The following TMEM135 variants were observed in gnomAD, a reference collection of about 807,000 sequenced individuals.
TMEM135 encodes peroxisomal membrane protein 52.
Under a neutral mutation model 60.3 loss-of-function variants are expected in TMEM135, and 30 were observed. That is an observed-to-expected ratio of 0.50 (90% CI 0.37 to 0.68). The LOEUF is 0.68. Ranked by LOEUF, TMEM135 falls within the 30% of genes least tolerant of loss-of-function variation. The probability of loss-of-function intolerance (pLI) is 0.00; values close to 1 mark genes in which losing one functional copy is unlikely to be tolerated. For missense variants in TMEM135, 468 were observed against 548.8 expected (o/e 0.85, Z 1.47); for synonymous variants, 190 against 186.7 (o/e 1.02, Z -0.14).
At chr11:87,057,749 C>G (rs1199802896) in intron 1 of TMEM135, among the ~76,000 whole-genome samples, 1 of 151,730 alleles carries the variant, frequency 6.6e-6, no homozygotes, top group African/African-American at 2.4e-5. Context: ...ACGTTGGAAG[C>G]AATTCAGATT....
intron 4 of TMEM135, among the ~76,000 whole-genome samples, chr11:87,157,053 TTTTC>T (rs753296038): frequency 8.8e-5 from 13 of 147,746 alleles, no homozygotes; most frequent in African/African-American, 1.0e-4. Flanking sequence ...GTTGCATTTC[TTTTC>T]TTTCTTTCTT....
At chr11:87,189,122 C>G (rs1939726500) in intron 5 of TMEM135, among the ~76,000 whole-genome samples, 1 of 150,770 alleles carries the variant, frequency 6.6e-6, no homozygotes, top group South Asian at 2.1e-4. Context: ...TTTTCCTTTC[C>G]CTTTCCCTTT....
At chr11:87,226,038 T>C (rs937116500) in intron 5 of TMEM135, among the ~76,000 whole-genome samples, 2 of 152,182 alleles carry the variant, frequency 1.3e-5, no homozygotes, top group African/African-American at 4.8e-5. Context: ...TTCCTCACTC[T>C]TCCTGTCCAC....
chr11:87,143,954 C>T (rs913246523), intron 4 of TMEM135, among the ~76,000 whole-genome samples: 2 of 152,106 alleles, frequency 1.3e-5, no homozygotes, highest in Non-Finnish European at 2.9e-5. Flanking sequence ...AAATTCTGCT[C>T]GCATTTTGTT....
intron 5 of TMEM135, among the ~76,000 whole-genome samples, chr11:87,209,155 A>G (rs759517464): frequency 6.6e-6 from 1 of 152,240 alleles, no homozygotes; most frequent in Non-Finnish European, 1.5e-5. Context: ...AGTCTACATA[A>G]CAACCAGCTA....
chr11:87,233,310 C>G (rs1180279928), intron 5 of TMEM135, among the ~76,000 whole-genome samples: 1 of 151,934 alleles, frequency 6.6e-6, no homozygotes, highest in Non-Finnish European at 1.5e-5. Context: ...CTAAATATCT[C>G]AATTAAGACA....
In TMEM135 at chr11:87,322,120, A is replaced by T. The variant is rs1942832808; in HGVS notation, c.*787A>T. 1 of 453,322 alleles carries T rather than the reference A, an allele frequency of 2.2e-6. No individual in the cohort carries two copies. The highest frequency in any genetic ancestry group is 2.0e-5 in the African/African-American group (1 of 49,886). The allele number at this position is 453,322 out of a possible 1,614,324, so 28.1% of individuals were successfully genotyped here. The stretch of plus-strand genomic sequence containing the variant: ...ACAGAAGTATTACACTTGAATATTT[A>T]AAAACAAAACTTTTAAACTTCCTAT... On this transcript the variant is annotated 3_prime_UTR_variant, in exon 15 of 15. Coordinates refer to ENST00000305494, the MANE Select transcript of TMEM135 (RefSeq NM_022918.4).
intron 8 of TMEM135, among the ~76,000 whole-genome samples, chr11:87,303,418 A>G (rs1021028947): frequency 1.3e-5 from 2 of 152,158 alleles, no homozygotes; most frequent in South Asian, 2.1e-4. Context: ...AAGGTTGGGG[A>G]CCATTGAATT....
intron 6 of TMEM135, among the ~76,000 whole-genome samples, chr11:87,253,195 C>A (rs1025037796): frequency 6.6e-6 from 1 of 151,968 alleles, no homozygotes; most frequent in Non-Finnish European, 1.5e-5. Flanking sequence ...CATTTTTTTA[C>A]CTGTCAGTCT....
At chr11:87,163,209 C>T (rs914644073) in intron 5 of TMEM135, among the ~76,000 whole-genome samples, 1 of 131,822 alleles carries the variant, frequency 7.6e-6, no homozygotes, top group Non-Finnish European at 1.6e-5. Context: ...CACCACAGTC[C>T]CCGGAGTGTG....
chr11:87,122,522 A>G, intron 4 of TMEM135, among the ~76,000 whole-genome samples: 1 of 150,852 alleles, frequency 6.6e-6, no homozygotes, highest in African/African-American at 2.4e-5. Flanking sequence ...GTGCAGTGTC[A>G]TAATCTCGGC....
At chr11:87,076,204 T>C (rs954025662) in intron 3 of TMEM135, among the ~76,000 whole-genome samples, 2 of 152,196 alleles carry the variant, frequency 1.3e-5, no homozygotes, top group Non-Finnish European at 2.9e-5. Context: ...AAAGTTTGCC[T>C]GATATTCTTT....
At chr11:87,112,177 G>T (rs1565445904) in intron 4 of TMEM135, among the ~76,000 whole-genome samples, 1 of 152,136 alleles carries the variant, frequency 6.6e-6, no homozygotes, top group Non-Finnish European at 1.5e-5. Context: ...GACAGCCTTA[G>T]GCAGCCTCAG....
At chr11:87,130,856 C>T (rs1340918318) in intron 4 of TMEM135, among the ~76,000 whole-genome samples, 1 of 151,588 alleles carries the variant, frequency 6.6e-6, no homozygotes, top group Admixed American at 6.6e-5. Context: ...TCTAATTTCA[C>T]CCATTTTTTA....
intron 1 of TMEM135, among the ~76,000 whole-genome samples, chr11:87,047,312 G>A (rs1014120549): frequency 6.6e-6 from 1 of 152,158 alleles, no homozygotes; most frequent in Non-Finnish European, 1.5e-5. Context: ...TTTGGGAGGA[G>A]CCAAGATGGC....
At chr11:87,101,254 A>G (rs1265809255) in intron 4 of TMEM135, among the ~76,000 whole-genome samples, 5 of 152,204 alleles carry the variant, frequency 3.3e-5, no homozygotes, top group African/African-American at 9.6e-5. Context: ...CCATAAGAGA[A>G]CACTTGCTGT....
chr11:87,090,476 C>T (rs183635720), intron 3 of TMEM135, among the ~76,000 whole-genome samples: 20 of 152,036 alleles, frequency 1.3e-4, no homozygotes, highest in Middle Eastern at 3.4e-3. Context: ...TATGAAGATT[C>T]GGCATATTTA....
rs1267447841 is a variant in TMEM135 at position 87,324,003 on chromosome 11, T to C, written c.*2670T>C. 2 of 453,742 alleles carry C rather than the reference T, an allele frequency of 4.4e-6. No individual in the cohort carries two copies. The highest frequency in any genetic ancestry group is 1.4e-4 in the East Asian group (2 of 14,408). 28.1% of individuals were successfully genotyped at this position (453,742 alleles called of 1,614,324 possible). A position where few individuals can be genotyped will look rare whatever the true frequency, so the allele number is the denominator to read the frequency against. ...TATTTAATTTAGAATTTTATATTTT[T>C]TTGGCTCTCAGATTTTATAATGAAC... On this transcript the variant is annotated 3_prime_UTR_variant, in exon 15 of 15. Transcript: ENST00000305494.
intron 1 of TMEM135, among the ~76,000 whole-genome samples, chr11:87,058,255 T>A (rs1401472516): frequency 6.6e-6 from 1 of 152,158 alleles, no homozygotes; most frequent in Admixed American, 6.5e-5. Flanking sequence ...CTTGGCCCAG[T>A]TAGATTGATA....
Sources: gnomAD v4.1 joint callset for allele counts (sites outside exome capture counted in the v4.1 genomes callset) on GRCh38, gnomAD v4.1.1 for gene constraint, MANE v1.5 for transcripts, NCBI Gene and HGNC (gene_info 2026-07-23, HGNC 2026-07-21) for gene names.